HIVEP3: variants seen among roughly 807,000 people sequenced by gnomAD.
HIVEP3 encodes transcription factor HIVEP3.
In HIVEP3, 49 loss-of-function variants were observed where a neutral mutation model predicts 152.8. The observed-to-expected ratio is 0.32, with a 90% CI of 0.26 to 0.41. HIVEP3 has a LOEUF of 0.41. HIVEP3 is among the 10% of genes least tolerant of loss of function. The pLI is 1.00. For missense variants in HIVEP3, 2,790 were observed against 3,103.3 expected (o/e 0.90, Z 2.40); for synonymous variants, 1,269 against 1,289.0 (o/e 0.98, Z 0.33).
intron 1 of HIVEP3, among the ~76,000 whole-genome samples, chr1:41,786,248 A>G (rs919022780): frequency 7.9e-5 from 12 of 152,212 alleles, no homozygotes; most frequent in Non-Finnish European, 1.3e-4. Flanking sequence ...CTTGTTGACG[A>G]TGACAGGAGT....
chr1:41,978,904 C>G (rs755630491), intron 1 of HIVEP3, among the ~76,000 whole-genome samples: 1 of 152,160 alleles, frequency 6.6e-6, no homozygotes, highest in South Asian at 2.1e-4. Context: ...CCTGCCCCAA[C>G]GATCACTGCA....
chr1:41,663,787 T>C (rs901904280), intron 2 of HIVEP3, among the ~76,000 whole-genome samples: 2 of 152,138 alleles, frequency 1.3e-5, no homozygotes, highest in South Asian at 4.1e-4. Flanking sequence ...ACGTACACGA[T>C]TGCAAACCCA....
chr1:41,671,435 G>A (rs140466098), intron 2 of HIVEP3, among the ~76,000 whole-genome samples: 2,194 of 152,286 alleles, frequency 0.014, 28 homozygotes, highest in Non-Finnish European at 0.019. Context: ...TCCTGCTCTC[G>A]GGGGCAGGCA....
intron 2 of HIVEP3, among the ~76,000 whole-genome samples, chr1:41,663,116 A>T (rs1293914431): frequency 6.6e-6 from 1 of 152,200 alleles, no homozygotes; most frequent in Middle Eastern, 3.2e-3. Flanking sequence ...AGCACACTTG[A>T]GCCAGTTCCC....
chr1:41,579,931 T>G lies in HIVEP3; in HGVS notation c.4867A>C (p.Arg1623=). The G allele has an allele frequency of 6.2e-7, 1 of 1,614,216 alleles. No individual in the cohort carries two copies. The highest frequency in any genetic ancestry group is 8.5e-7 in the Non-Finnish European group (1 of 1,180,032). ...KPNHIQHADR[R]SSVYAGWCIS... Reference sequence around the variant, plus strand: ...CACCAACCAGCGTAAACAGAGGACCTCCTATCTGCATGCTGGATGTGATTT... The same window carrying G: ...CACCAACCAGCGTAAACAGAGGACCGCCTATCTGCATGCTGGATGTGATTT... The change falls in exon 4 of 9, where the codon AGG becomes CGG. Residue 1623 remains arginine, a synonymous_variant. Coordinates refer to ENST00000372583, the MANE Select transcript of HIVEP3 (RefSeq NM_024503.5).
chr1:41,697,338 C>T (rs950689914), intron 2 of HIVEP3, among the ~76,000 whole-genome samples: 1 of 152,214 alleles, frequency 6.6e-6, no homozygotes, highest in African/African-American at 2.4e-5. Context: ...CAGAACAAAA[C>T]AACAACAAAA....
At chr1:41,616,603 T>G (rs1032274348) in intron 3 of HIVEP3, among the ~76,000 whole-genome samples, 267 of 117,426 alleles carry the variant, frequency 2.3e-3, no homozygotes, top group Middle Eastern at 4.9e-3. Context: ...GTATAGGAAG[T>G]GGGGAAGATG....
chr1:41,970,250 G>T (rs1182231198), intron 1 of HIVEP3, among the ~76,000 whole-genome samples: 7 of 152,150 alleles, frequency 4.6e-5, no homozygotes, highest in African/African-American at 1.7e-4. Flanking sequence ...TATGTTCATT[G>T]CAGCACTATT....
At chr1:41,704,435 A>G (rs947947531) in intron 1 of HIVEP3, among the ~76,000 whole-genome samples, 11 of 152,258 alleles carry the variant, frequency 7.2e-5, no homozygotes, top group African/African-American at 2.4e-4. Flanking sequence ...GAATCAGCTT[A>G]GAGAATTCCT....
intron 1 of HIVEP3, among the ~76,000 whole-genome samples, chr1:41,976,577 T>G (rs573565189): frequency 8.7e-4 from 132 of 152,326 alleles, no homozygotes; most frequent in African/African-American, 3.0e-3. Context: ...TTATACAAAT[T>G]TATGGTATTT....
At chr1:41,974,435 C>T (rs1429502756) in intron 1 of HIVEP3, among the ~76,000 whole-genome samples, 4 of 151,242 alleles carry the variant, frequency 2.6e-5, no homozygotes, top group Non-Finnish European at 5.9e-5. Flanking sequence ...CACACCTGGC[C>T]CCAGCTCACC....
At chr1:41,748,157 A>G (rs1647101217) in intron 1 of HIVEP3, among the ~76,000 whole-genome samples, 1 of 152,202 alleles carries the variant, frequency 6.6e-6, no homozygotes, top group Admixed American at 6.5e-5. Context: ...CAAGGTGGGA[A>G]GCCCGTCAGA....
chr1:41,726,724 TG>T (rs1352862485), intron 1 of HIVEP3, among the ~76,000 whole-genome samples: 1 of 152,144 alleles, frequency 6.6e-6, no homozygotes, highest in East Asian at 1.9e-4. Flanking sequence ...TCAGTTCTTT[TG>T]GGGAAGGTCA....
intron 1 of HIVEP3, among the ~76,000 whole-genome samples, chr1:41,948,789 C>A (rs1322689104): frequency 6.6e-6 from 1 of 151,188 alleles, no homozygotes; most frequent in Non-Finnish European, 1.5e-5. Flanking sequence ...ATTGATAGCA[C>A]CCATCAGATG....
intron 1 of HIVEP3, among the ~76,000 whole-genome samples, chr1:41,721,116 C>G (rs1232577832): frequency 6.6e-6 from 1 of 152,140 alleles, no homozygotes; most frequent in Non-Finnish European, 1.5e-5. Context: ...TAGAGACCTG[C>G]TGTGCAACAT....
At chr1:42,033,059 G>T (rs558674407) in intron 1 of HIVEP3, among the ~76,000 whole-genome samples, 4 of 152,086 alleles carry the variant, frequency 2.6e-5, no homozygotes, top group Admixed American at 2.6e-4. Context: ...ACAGGTGCCC[G>T]CATGCAGAGG....
At chr1:41,834,795 TAAAG>T (rs1465178904) in intron 1 of HIVEP3, among the ~76,000 whole-genome samples, 2 of 151,768 alleles carry the variant, frequency 1.3e-5, no homozygotes, top group Non-Finnish European at 2.9e-5. Flanking sequence ...GAAAAAATAA[TAAAG>T]AAAGATGAGA....
chr1:41,537,894 C>T (rs1643437369), intron 5 of HIVEP3, among the ~76,000 whole-genome samples: 1 of 152,228 alleles, frequency 6.6e-6, no homozygotes, highest in Non-Finnish European at 1.5e-5. Flanking sequence ...CTGTTCTAAA[C>T]AGCGACGTGA....
Position 41,580,947 on chromosome 1 carries a change from T to G in HIVEP3, c.3851A>C (p.Asp1284Ala). The change falls in exon 4 of 9, where the codon GAC becomes GCC. Residue 1284 changes from aspartate to alanine, a missense_variant. Coordinates refer to ENST00000372583, the MANE Select transcript of HIVEP3 (RefSeq NM_024503.5). ...GGGAGCCACAGGGGGTAGCCGGATG[T>G]CACTGCTGTACTCTGTGCTGGGGGA... ...GLSPSTEYSSDIRLPPVAPPA... is the reference protein window; with the variant it reads ...GLSPSTEYSSAIRLPPVAPPA... 1.2e-6 allele frequency: 2 copies of G among 1,611,600 alleles called. No homozygotes were observed. Among genetic ancestry groups the G allele is most frequent in the South Asian group, 2.2e-5 (2 of 90,490 alleles).
Sources: allele counts gnomAD v4.1 joint callset (sites outside exome capture counted in the v4.1 genomes callset), GRCh38; gene constraint gnomAD v4.1.1; transcripts MANE v1.5; gene names NCBI Gene and HGNC (gene_info 2026-07-23, HGNC 2026-07-21).